The following LTBR variants were observed in gnomAD, a reference collection of about 807,000 sequenced individuals.
LTBR encodes tumor necrosis factor receptor superfamily member 3.
A neutral mutation model predicts 45.4 loss-of-function variants in LTBR; 15 were observed. The observed-to-expected ratio is 0.33, with a 90% CI of 0.22 to 0.51. LTBR has a LOEUF of 0.51. Among genes scored for constraint, LTBR ranks in the 20% least tolerant of loss-of-function variants. The probability of loss-of-function intolerance (pLI) is 0.97; values close to 1 mark genes in which losing one functional copy is unlikely to be tolerated. For synonymous variants in LTBR, 228 were observed against 231.0 expected, an observed-to-expected ratio of 0.99 and a Z score of 0.12; for missense variants, 450 against 565.5, an observed-to-expected ratio of 0.80 and a Z score of 2.07.
rs569102555 is a variant in LTBR, at chr12:6,390,458, G to A, written c.1030+118G>A. The A allele has an allele frequency of 6.5e-4, 655 of 1,003,148 alleles. 5 individuals are homozygous for A. Among genetic ancestry groups the A allele is most frequent in the Non-Finnish European group, 1.3e-4 (88 of 685,138 alleles). 62.1% of individuals were successfully genotyped at this position (1,003,148 alleles called of 1,614,324 possible). ...AACAGAGGCAGACAGAGACTCCGCT[G>A]CCAGTCAGTGTCACAACTAGAGAAG... is the stretch of plus-strand genomic sequence containing the variant. On this transcript the variant is annotated intron_variant, in intron 9 of 9. Transcript: ENST00000228918.
At position 6,385,266 on chromosome 12, in the gene LTBR, G is replaced by C. The variant is rs765174366; in HGVS notation, c.359G>C (p.Arg120Pro). The C allele has an allele frequency of 6.2e-7, 1 of 1,613,932 alleles. No individual in the cohort carries two copies. The highest frequency in any genetic ancestry group is 8.5e-7 in the Non-Finnish European group (1 of 1,180,028). ...GAGATTGCCCCCTGCACAAGCAAAC[G>C]GAAGACCCAGTGCCGCTGCCAGCCG... ...LEEIAPCTSKRKTQCRCQPGM... is the reference protein window; with the variant it reads ...LEEIAPCTSKPKTQCRCQPGM... Residue 120 changes from arginine to proline, a missense_variant, in exon 4 of 10, where the codon CGG (arginine) becomes CCG (proline). Transcript: ENST00000228918.
chr12:6,379,992 A>G (rs1463744133), upstream of LTBR, among the ~76,000 whole-genome samples: 1 of 151,930 alleles, frequency 6.6e-6, no homozygotes, highest in Non-Finnish European at 1.5e-5. Flanking sequence ...GAAGTTTATC[A>G]CTTTGATTGA....
In LTBR at chr12:6,386,430, C is replaced by A. The variant is rs774580959; in HGVS notation, c.653C>A (p.Pro218His). Residue 218 changes from proline to histidine, a missense_variant, in exon 6 of 10, where the codon CCC becomes CAC. Physicochemically the swap from Pro to His is moderately conservative, Grantham distance 77. Coordinates refer to ENST00000228918, the MANE Select transcript of LTBR (RefSeq NM_002342.3). This position sits in a 1 kb window ranked among gnomAD's most constrained non-coding sequence, Gnocchi z 4.1. ...TTCKNPLEPL[P>H]PEMSGTMLML... Reference sequence around the variant, plus strand: ...TGCAAAAATCCATTAGAGCCACTGCCCCCAGAGATGTCAGGTGAGGGACCA... The same window carrying A: ...TGCAAAAATCCATTAGAGCCACTGCACCCAGAGATGTCAGGTGAGGGACCA... 6.2e-7 allele frequency: 1 copy of A among 1,613,114 alleles called. No homozygotes were observed. The highest frequency in any genetic ancestry group is 8.5e-7 in the Non-Finnish European group (1 of 1,179,800).
chr12:6,385,107 C>T lies in LTBR; in HGVS notation c.279C>T (p.Asn93=), dbSNP rs1188763404. Residue 93 remains asparagine (N), a synonymous_variant, in exon 3 of 10, where the codon AAC becomes AAT. Coordinates refer to ENST00000228918, the MANE Select transcript of LTBR (RefSeq NM_002342.3). ...CAENSYNEHW[N]YLTICQLCRP... ...AGAATTCCTACAACGAGCACTGGAA[C>T]TACCTGACCATCTGCCAGCTGTGCC... The T allele has an allele frequency of 6.2e-7, 1 of 1,614,144 alleles. No individual in the cohort carries two copies. The highest frequency in any genetic ancestry group is 8.5e-7 in the Non-Finnish European group (1 of 1,180,058).
At chr12:6,379,172 G>T (rs143754247), upstream of LTBR, among the ~76,000 whole-genome samples, 3 of 152,050 alleles carry the variant, frequency 2.0e-5, no homozygotes, top group East Asian at 5.8e-4. Context: ...CTGACTTCCC[G>T]CAACACAAGG....
At position 6,388,721 on chromosome 12, in the gene LTBR, T is replaced by A; in HGVS notation, c.776-79T>A. The A allele has an allele frequency of 6.4e-7, 1 of 1,573,250 alleles. No homozygotes were observed. Among genetic ancestry groups the A allele is most frequent in the Admixed American group, 1.7e-5 (1 of 59,736 alleles). On this transcript the variant is annotated intron_variant, in intron 7 of 9. Transcript: ENST00000228918. This position sits in a 1 kb window ranked among gnomAD's most constrained non-coding sequence, Gnocchi z 4.3. Reference sequence around the variant, plus strand: ...CCCCGGGTGGTCAAGTTGCTACACATTGTGCTGGGATGTGGAGGCTGAAAG... The same window carrying A: ...CCCCGGGTGGTCAAGTTGCTACACAATGTGCTGGGATGTGGAGGCTGAAAG...
In LTBR at chr12:6,385,158, A is replaced by T; in HGVS notation, c.319+11A>T. 1.9e-6 allele frequency: 3 copies of T among 1,614,112 alleles called. No homozygotes were observed. Among genetic ancestry groups the T allele is most frequent in the South Asian group, 2.2e-5 (2 of 91,080 alleles). On this transcript the variant is annotated intron_variant, in intron 3 of 9. Coordinates refer to ENST00000228918, the MANE Select transcript of LTBR (RefSeq NM_002342.3). The stretch of plus-strand genomic sequence containing the variant: ...GCCCCTGTGACCCAGGTGAGTGGGG[A>T]TGTGCCTGCGGGGGGGCTGGATCCC...
At position 6,386,369 on chromosome 12, in the gene LTBR, GA is replaced by G; in HGVS notation, c.593del (p.Glu198GlyfsTer17). 6.2e-7 allele frequency: 1 copy of G among 1,613,850 alleles called. No homozygotes were observed. Among genetic ancestry groups the G allele is most frequent in the Non-Finnish European group, 8.5e-7 (1 of 1,179,894 alleles). ...HTRCENQGLV[E>X]AAPGTAQSDT... is the part of the protein sequence containing the mutation. ...CAGGTGTGAGAACCAAGGTCTGGTG[GA>G]GGCAGCTCCAGGCACTGCCCAGTCC... is the stretch of plus-strand genomic sequence containing the variant. On this transcript the variant is annotated frameshift_variant, in exon 6 of 10. Coordinates refer to ENST00000228918, the MANE Select transcript of LTBR (RefSeq NM_002342.3). LOFTEE classifies it high-confidence loss of function. The surrounding 1 kb of genome is among the most constrained non-coding windows in gnomAD (Gnocchi z 4.1).
rs61761337 is a variant in LTBR at position 6,385,396 on chromosome 12, G to C, written c.472+17G>C. 10 of 1,612,976 alleles carry C rather than the reference G, an allele frequency of 6.2e-6. No homozygotes were observed. Among genetic ancestry groups the C allele is most frequent in the Non-Finnish European group, 8.5e-6 (10 of 1,179,406 alleles). ...AGCTCAAAGGTCAGAGGTCCCTGAG[G>C]GGCTGGATGTGAAAAGGAGGCTGGG... On this transcript the variant is annotated intron_variant, in intron 4 of 9. Transcript: ENST00000228918.
At chr12:6,381,907 G>A (rs1948988634), upstream of LTBR, among the ~76,000 whole-genome samples, 1 of 152,218 alleles carries the variant, frequency 6.6e-6, no homozygotes, top group African/African-American at 2.4e-5. Flanking sequence ...GGGAGGCAGA[G>A]GTTGTAGTGA....
upstream of LTBR, chr12:6,384,129 C>T: frequency 1.6e-6 from 2 of 1,271,094 alleles, no homozygotes; most frequent in East Asian, 3.1e-5. Context: ...GCTCCCAGCG[C>T]TCCCTGTCCC....
Position 6,385,826 on chromosome 12 carries a change from A to G in LTBR, c.473-240A>G, listed in dbSNP as rs1195700438. 34 of 398,066 alleles carry G rather than the reference A, an allele frequency of 8.5e-5. No homozygotes were observed. The South Asian group carries it at 1.1e-3, about 12-fold the overall frequency. The allele number at this position is 398,066 out of a possible 1,614,324, so 24.7% of individuals were successfully genotyped here. A position where few individuals can be genotyped will look rare whatever the true frequency, so the allele number is the denominator to read the frequency against. ...AGGCTGAGGCAGGAGAATGGCGTGA[A>G]CTTGGGAGGCGGAGCTTGCAGTGAG... is the stretch of plus-strand genomic sequence containing the variant. On this transcript the variant is annotated intron_variant, in intron 4 of 9. Transcript: ENST00000228918.
upstream of LTBR, among the ~76,000 whole-genome samples, chr12:6,382,070 G>A (rs768954178): frequency 8.6e-6 from 1 of 116,900 alleles, no homozygotes; most frequent in African/African-American, 3.9e-5. Flanking sequence ...AGCTGTATCT[G>A]TAAGATCAGT....
chr12:6,390,901 C>T lies in LTBR; in HGVS notation c.1272C>T (p.Asn424=), dbSNP rs764289832. ...AGCACTGTGGTGCCACACCCTCTAACAGGGGCCCAAGGAACCAATTTATCA... is the reference window on the plus strand; with the variant it reads ...AGCACTGTGGTGCCACACCCTCTAATAGGGGCCCAAGGAACCAATTTATCA... The part of the protein sequence containing the change: ...ETEHCGATPS[N]RGPRNQFITH... Residue 424 remains asparagine (N), a synonymous_variant, in exon 10 of 10, where the codon AAC becomes AAT. Transcript: ENST00000228918. The T allele has an allele frequency of 1.3e-6, 2 of 1,586,002 alleles. No individual in the cohort carries two copies. The highest frequency in any genetic ancestry group is 2.3e-5 in the East Asian group (1 of 43,682).
chr12:6,384,530 C>A (rs1048123596), intron 1 of LTBR, 58 bp from the exon 2 acceptor site: 1 of 1,605,888 alleles, frequency 6.2e-7, no homozygotes, highest in Non-Finnish European at 8.5e-7. Context: ...ATTCCCTCTG[C>A]CCTCCCAAGC....
chr12:6,388,174 C>T lies in LTBR; in HGVS notation c.668-224C>T, dbSNP rs1056730052. On this transcript the variant is annotated intron_variant, in intron 6 of 9. Coordinates refer to ENST00000228918, the MANE Select transcript of LTBR (RefSeq NM_002342.3). The surrounding 1 kb of genome is among the most constrained non-coding windows in gnomAD (Gnocchi z 4.3). ...CATGCCCATCCATGATACAGTCTCT[C>T]CTGGCTGCCAAGAGGTCCTCAAGTC... 7.6e-6 allele frequency: 4 copies of T among 522,964 alleles called. No individual in the cohort carries two copies. The highest frequency in any genetic ancestry group is 6.4e-5 in the Admixed American group (2 of 31,434). 32.4% of individuals were successfully genotyped at this position (522,964 alleles called of 1,614,324 possible).
intron 6 of LTBR, chr12:6,387,666 G>A (rs182480835): frequency 1.8e-4 from 45 of 254,654 alleles, no homozygotes; most frequent in Admixed American, 3.7e-4. Context: ...TTCCCCAGGC[G>A]TAGCTGACGG....
At position 6,386,635 on chromosome 12, in the gene LTBR, A is replaced by T. The variant is rs1949053338; in HGVS notation, c.667+191A>T. On this transcript the variant is annotated intron_variant, in intron 6 of 9. Transcript: ENST00000228918. This position sits in a 1 kb window ranked among gnomAD's most constrained non-coding sequence, Gnocchi z 4.1. ...CACACACACACACACACACACACAC[A>T]CTTTTAAAATTATATATACTGTAAT... The T allele has an allele frequency of 1.3e-5, 7 of 535,708 alleles. No individual in the cohort carries two copies. Among genetic ancestry groups the T allele is most frequent in the South Asian group, 8.9e-5 (4 of 44,728 alleles). 33.2% of individuals were successfully genotyped at this position (535,708 alleles called of 1,614,324 possible). A position where few individuals can be genotyped will look rare whatever the true frequency, so the allele number is the denominator to read the frequency against.
chr12:6,381,568 A>G (rs1023708599), upstream of LTBR, among the ~76,000 whole-genome samples: 10 of 152,236 alleles, frequency 6.6e-5, no homozygotes, highest in Non-Finnish European at 1.0e-4. Context: ...CTGGCAGCAG[A>G]AAGAAACATA....
Sources: allele counts gnomAD v4.1 joint callset (sites outside exome capture counted in the v4.1 genomes callset), GRCh38; gene constraint gnomAD v4.1.1; non-coding constraint Gnocchi (gnomAD v3.1); transcripts MANE v1.5; gene names NCBI Gene and HGNC (gene_info 2026-07-23, HGNC 2026-07-21).